EPHB2: variants seen among roughly 807,000 people sequenced by gnomAD.
EPHB2 encodes the protein EPH receptor B2, also known as ephrin type-B receptor 2.
Under a neutral mutation model 96.4 loss-of-function variants are expected in EPHB2, and 18 were observed. That is an observed-to-expected ratio of 0.19 (90% CI 0.13 to 0.28). The LOEUF (loss-of-function observed/expected upper bound fraction) is 0.28, where lower values mean the gene tolerates loss of function less well. Among genes scored for constraint, EPHB2 ranks in the 10% least tolerant of loss-of-function variants. The probability of loss-of-function intolerance (pLI) is 1.00; values close to 1 mark genes in which losing one functional copy is unlikely to be tolerated. For missense variants in EPHB2, 989 were observed against 1,355.4 expected, an observed-to-expected ratio of 0.73 and a Z score of 4.25; for synonymous variants, 506 against 534.1, an observed-to-expected ratio of 0.95 and a Z score of 0.72.
intron 3 of EPHB2, among the ~76,000 whole-genome samples, chr1:22,804,244 T>C (rs74061025): frequency 0.079 from 12,100 of 152,214 alleles, 1,505 homozygotes; most frequent in African/African-American, 0.27. Flanking sequence ...TGCCCAGCAC[T>C]GTGCCTGCCA....
At chr1:22,799,993 C>T (rs1644819661) in intron 3 of EPHB2, among the ~76,000 whole-genome samples, 1 of 152,198 alleles carries the variant, frequency 6.6e-6, no homozygotes, top group African/African-American at 2.4e-5. Context: ...TGGTCACTGG[C>T]GTGTCTGTGC....
chr1:22,736,032 A>C (rs868596121), intron 1 of EPHB2, among the ~76,000 whole-genome samples: 7 of 152,370 alleles, frequency 4.6e-5, no homozygotes, highest in South Asian at 2.1e-4. Flanking sequence ...TCTGAGCCTC[A>C]GTTCCCCATT....
intron 3 of EPHB2, among the ~76,000 whole-genome samples, chr1:22,809,158 T>C (rs1442064587): frequency 1.3e-5 from 2 of 152,222 alleles, no homozygotes; most frequent in African/African-American, 4.8e-5. Context: ...CCCCACTTCC[T>C]GTGACCCCTG....
chr1:22,910,315 G>T (rs1640051965), intron 13 of EPHB2, 67 bp from the exon 14 acceptor site: 3 of 1,597,494 alleles, frequency 1.9e-6, no homozygotes, highest in East Asian at 2.2e-5. Context: ...GGGTAAGATG[G>T]GCCTGGCAGA....
At chr1:22,755,467 C>T (rs1177692452) in intron 1 of EPHB2, among the ~76,000 whole-genome samples, 1 of 152,238 alleles carries the variant, frequency 6.6e-6, no homozygotes, top group Non-Finnish European at 1.5e-5. Flanking sequence ...CCCATCCATC[C>T]TGCTGGCCTA....
At chr1:22,751,593 A>G (rs1232882794) in intron 1 of EPHB2, among the ~76,000 whole-genome samples, 2 of 152,176 alleles carry the variant, frequency 1.3e-5, no homozygotes, top group African/African-American at 2.4e-5. Flanking sequence ...AAGCTTTCAC[A>G]GCCTCTGCCT....
intron 3 of EPHB2, among the ~76,000 whole-genome samples, chr1:22,854,318 C>T (rs1454521615): frequency 6.6e-6 from 1 of 152,106 alleles, no homozygotes; most frequent in Admixed American, 6.5e-5. Flanking sequence ...CAAGACCAGC[C>T]TGGACGACAT....
intron 1 of EPHB2, among the ~76,000 whole-genome samples, chr1:22,737,420 G>A (rs1158734804): frequency 6.6e-6 from 1 of 152,164 alleles, no homozygotes; most frequent in Non-Finnish European, 1.5e-5. Context: ...ACTCTAGGTG[G>A]ATGTCATTCT....
chr1:22,763,708 C>T (rs1478106415), intron 1 of EPHB2, among the ~76,000 whole-genome samples: 3 of 152,100 alleles, frequency 2.0e-5, no homozygotes, highest in Non-Finnish European at 2.9e-5. Context: ...CCAAAGTCTT[C>T]GTGGTTTAAA....
rs775772189 is a variant in EPHB2, at chr1:22,913,739, A to G, written c.*169A>G. 6.2e-7 allele frequency: 1 copy of G among 1,603,988 alleles called. No homozygotes were observed. Among genetic ancestry groups the G allele is most frequent in the East Asian group, 2.2e-5 (1 of 44,644 alleles). The stretch of plus-strand genomic sequence containing the variant: ...ACGAGACGTCACCAAGAAAACATGC[A>G]ACTCAAACGACGGAAAAAAAAAGGG... On this transcript the variant is annotated 3_prime_UTR_variant, in exon 16 of 16. Coordinates refer to ENST00000374630, the MANE Select transcript of EPHB2 (RefSeq NM_017449.5). This position sits in a 1 kb window ranked among gnomAD's most constrained non-coding sequence, Gnocchi z 4.1.
At chr1:22,751,020 T>C (rs1025555173) in intron 1 of EPHB2, among the ~76,000 whole-genome samples, 2 of 152,256 alleles carry the variant, frequency 1.3e-5, no homozygotes, top group African/African-American at 4.8e-5. Context: ...GATTTTTTCC[T>C]TTACTGATGA....
At chr1:22,872,719 C>T (rs1258382874) in intron 5 of EPHB2, among the ~76,000 whole-genome samples, 1 of 152,344 alleles carries the variant, frequency 6.6e-6, no homozygotes, top group Admixed American at 6.5e-5. Flanking sequence ...GAAAGACTTT[C>T]AACTCTCCAA....
intron 3 of EPHB2, among the ~76,000 whole-genome samples, chr1:22,821,058 C>T (rs554038143): frequency 1.3e-5 from 2 of 152,312 alleles, no homozygotes; most frequent in African/African-American, 2.4e-5. Flanking sequence ...GCTCCATAAT[C>T]GTGAAGGACT....
In EPHB2 at chr1:22,781,411, C is replaced by T. The variant is rs1454245792; in HGVS notation, c.62-10C>T. The T allele has an allele frequency of 1.5e-5, 24 of 1,613,640 alleles. No individual in the cohort carries two copies. Among genetic ancestry groups the T allele is most frequent in the Non-Finnish European group, 1.9e-5 (23 of 1,179,898 alleles). ...TGGGGCGGGGTGGTGACTCTTTGCT[C>T]TCCCCACAGAAACGCTAATGGACTC... On this transcript the variant is annotated splice_polypyrimidine_tract_variant and intron_variant, in intron 1 of 15. Coordinates refer to ENST00000374630, the MANE Select transcript of EPHB2 (RefSeq NM_017449.5).
At chr1:22,713,556 ACGGTGCTGCCTGTGCACATTTGGGGGG>A (rs1247064612) in intron 1 of EPHB2, among the ~76,000 whole-genome samples, 46 of 152,212 alleles carry the variant, frequency 3.0e-4, no homozygotes, top group African/African-American at 7.9e-4. Flanking sequence ...CCAGGGATGG[ACGGTGCTGCCTGTGCACATTTGGGGGG>A]CGGTGCTGCC....
chr1:22,859,461 T>C (rs377661189), intron 3 of EPHB2, among the ~76,000 whole-genome samples: 9 of 152,242 alleles, frequency 5.9e-5, no homozygotes, highest in African/African-American at 2.2e-4. Flanking sequence ...AGTGGCTTCA[T>C]TGAGATAAAA....
At chr1:22,775,877 A>C (rs183571271) in intron 1 of EPHB2, among the ~76,000 whole-genome samples, 131 of 152,260 alleles carry the variant, frequency 8.6e-4, no homozygotes, top group African/African-American at 3.1e-3. Context: ...TTCTTCATCT[A>C]TCCATTGGGA....
rs373295870 is a variant in EPHB2 at position 22,909,084 on chromosome 1, G to A, written c.2415G>A (p.Ser805=). Residue 805 remains serine, a synonymous_variant, in exon 13 of 16, where the codon TCG becomes TCA. Coordinates refer to ENST00000374630, the MANE Select transcript of EPHB2 (RefSeq NM_017449.5). The stretch of plus-strand genomic sequence containing the variant: ...CCATCCAGTACCGGAAGTTCACCTC[G>A]GCCAGTGATGTGTGGAGCTACGGCA... The part of the protein sequence containing the change: ...PEAIQYRKFT[S]ASDVWSYGIV... 41 of 1,614,200 alleles carry A rather than the reference G, an allele frequency of 2.5e-5. No homozygotes were observed. In the African/African-American group the frequency reaches 3.3e-4, roughly 13 times the overall value.
At chr1:22,758,150 C>A (rs1316336807) in intron 1 of EPHB2, among the ~76,000 whole-genome samples, 1 of 146,822 alleles carries the variant, frequency 6.8e-6, no homozygotes, top group African/African-American at 2.5e-5. Context: ...AATCTCCTGA[C>A]CTCGTGATCC....
Sources: gnomAD v4.1 joint callset for allele counts (sites outside exome capture counted in the v4.1 genomes callset) on GRCh38, gnomAD v4.1.1 for gene constraint, Gnocchi (gnomAD v3.1) non-coding constraint, MANE v1.5 for transcripts, NCBI Gene and HGNC (gene_info 2026-07-23, HGNC 2026-07-21) for gene names.